The following C16orf74 variants were observed in gnomAD, a reference collection of about 807,000 sequenced individuals.
C16orf74 encodes calcimembrin.
In C16orf74, 10 loss-of-function variants were observed where a neutral mutation model predicts 6.5. That is an observed-to-expected ratio of 1.54 (90% CI 0.95 to 2.61). The LOEUF (loss-of-function observed/expected upper bound fraction) is 2.61, where lower values mean the gene tolerates loss of function less well. C16orf74 is among the 30% of genes most tolerant of loss of function. The probability of loss-of-function intolerance (pLI) is 0.00; values close to 1 mark genes in which losing one functional copy is unlikely to be tolerated. For synonymous variants in C16orf74, 60 were observed against 42.5 expected (o/e 1.41, Z -1.60); for missense variants, 141 against 105.9 (o/e 1.33, Z -1.45).
At chr16:85,715,482 C>T (rs1427472097) in intron 2 of C16orf74, among the ~76,000 whole-genome samples, 1 of 152,170 alleles carries the variant, frequency 6.6e-6, no homozygotes, top group South Asian at 2.1e-4. Flanking sequence ...CTGGCTGACC[C>T]CAAGAGCCGG....
At chr16:85,714,625 G>T (rs2054004452) in intron 2 of C16orf74, among the ~76,000 whole-genome samples, 1 of 151,014 alleles carries the variant, frequency 6.6e-6, no homozygotes, top group South Asian at 2.1e-4. Context: ...TCACCATATT[G>T]GCCAGGCTGG....
At chr16:85,745,369 T>A (rs1252924085) in intron 1 of C16orf74, among the ~76,000 whole-genome samples, 1 of 152,182 alleles carries the variant, frequency 6.6e-6, no homozygotes, top group Non-Finnish European at 1.5e-5. Flanking sequence ...CCATGTTGGC[T>A]GTGTTTGTTT....
At chr16:85,726,227 T>C (rs2054131715) in intron 2 of C16orf74, among the ~76,000 whole-genome samples, 1 of 152,302 alleles carries the variant, frequency 6.6e-6, no homozygotes, top group South Asian at 2.1e-4. Flanking sequence ...ACACACACCA[T>C]TCCACATTTC....
chr16:85,726,966 C>A (rs1417858631), intron 2 of C16orf74, among the ~76,000 whole-genome samples: 4 of 152,184 alleles, frequency 2.6e-5, no homozygotes, highest in Admixed American at 2.0e-4. Flanking sequence ...CTGGGTGATG[C>A]CACCCCTAGC....
At chr16:85,731,431 A>G (rs2054186294) in intron 2 of C16orf74, among the ~76,000 whole-genome samples, 1 of 152,184 alleles carries the variant, frequency 6.6e-6, no homozygotes, top group African/African-American at 2.4e-5. Flanking sequence ...AGCTGGGGGC[A>G]TGGTACAGGA....
intron 3 of C16orf74, among the ~76,000 whole-genome samples, chr16:85,708,586 T>A (rs1227386281): frequency 6.6e-6 from 1 of 152,198 alleles, no homozygotes; most frequent in Non-Finnish European, 1.5e-5. Context: ...TTTCCCCATT[T>A]CTAAACTAGA....
intron 1 of C16orf74, among the ~76,000 whole-genome samples, chr16:85,740,787 GTGCCAC>G (rs1478569956): frequency 8.2e-6 from 1 of 122,236 alleles, no homozygotes; most frequent in East Asian, 2.5e-4. Flanking sequence ...AGCTGAGATT[GTGCCAC>G]TACACTCCAG....
chr16:85,733,220 G>C (rs374123239), intron 2 of C16orf74, among the ~76,000 whole-genome samples: 1 of 152,234 alleles, frequency 6.6e-6, no homozygotes, highest in Non-Finnish European at 1.5e-5. Flanking sequence ...TTATTCAGCC[G>C]TGAAAAGGAA....
At chr16:85,727,164 C>G (rs17804860) in intron 2 of C16orf74, among the ~76,000 whole-genome samples, 30,528 of 152,266 alleles carry the variant, frequency 0.2, 3,568 homozygotes, top group Middle Eastern at 0.29. Context: ...CAATCTCTCA[C>G]GCAATTCTGG....
chr16:85,744,853 C>G, intron 1 of C16orf74, among the ~76,000 whole-genome samples: 1 of 127,596 alleles, frequency 7.8e-6, no homozygotes, highest in South Asian at 2.7e-4. Context: ...AAAAAAAACT[C>G]TCCGTCAGCC....
chr16:85,720,598 C>A (rs1246544318), intron 2 of C16orf74, among the ~76,000 whole-genome samples: 12 of 151,982 alleles, frequency 7.9e-5, no homozygotes, highest in Admixed American at 7.9e-4. Flanking sequence ...CATAGCAAGA[C>A]CCCATCTCTA....
At chr16:85,732,373 G>T (rs1018025709) in intron 2 of C16orf74, among the ~76,000 whole-genome samples, 2 of 152,148 alleles carry the variant, frequency 1.3e-5, no homozygotes, top group Non-Finnish European at 2.9e-5. Flanking sequence ...GAGTTAAAAT[G>T]ATTCTCTCTG....
At chr16:85,738,138 A>C (rs541835854) in intron 1 of C16orf74, among the ~76,000 whole-genome samples, 3 of 151,672 alleles carry the variant, frequency 2.0e-5, no homozygotes, top group Non-Finnish European at 4.4e-5. Context: ...CCAGCTACTC[A>C]GGAGGCTGAG....
rs981420368 is a variant in C16orf74, at chr16:85,714,800, C to T, written c.29-4493G>A. 5.9e-5 allele frequency among the ~76,000 whole-genome samples: 9 copies of T among 152,016 alleles called. No individual in the cohort carries two copies. In the East Asian group the frequency reaches 7.8e-4, roughly 13 times the overall value. On this transcript the variant is annotated intron_variant, in intron 2 of 3. Coordinates refer to ENST00000284245, the MANE Select transcript of C16orf74 (RefSeq NM_206967.3). ...CCCAACAGAACTCCGAGCCCCTCAG[C>T]GGCACCCACACAGTCCCATCGAAGC...
chr16:85,740,008 G>A (rs1426040203), intron 1 of C16orf74, among the ~76,000 whole-genome samples: 4 of 150,284 alleles, frequency 2.7e-5, no homozygotes, highest in Non-Finnish European at 5.9e-5. Flanking sequence ...TCAGGAGTTC[G>A]AGACCAGCCT....
At chr16:85,748,772 C>T (rs944981679) in intron 1 of C16orf74, among the ~76,000 whole-genome samples, 1 of 152,036 alleles carries the variant, frequency 6.6e-6, no homozygotes, top group Non-Finnish European at 1.5e-5. Context: ...GATGTTAATG[C>T]TGGTCTGCGG....
intron 2 of C16orf74, among the ~76,000 whole-genome samples, chr16:85,723,627 T>C (rs1201518322): frequency 6.6e-6 from 1 of 152,128 alleles, no homozygotes; most frequent in Non-Finnish European, 1.5e-5. Flanking sequence ...CCTCCAACCA[T>C]CTAGAATGTT....
At chr16:85,735,150 C>T (rs1319402655) in intron 2 of C16orf74, 40 bp downstream of exon 2, 1 of 1,585,444 alleles carries the variant, frequency 6.3e-7, no homozygotes, top group Non-Finnish European at 8.6e-7. Flanking sequence ...AGCACCCCCT[C>T]TGCCATGAGA....
At chr16:85,738,680 A>G (rs1336234513) in intron 1 of C16orf74, among the ~76,000 whole-genome samples, 1 of 151,320 alleles carries the variant, frequency 6.6e-6, no homozygotes, top group African/African-American at 2.4e-5. Flanking sequence ...CATGCAGGAG[A>G]GAGAATCCTT....
Sources: gnomAD v4.1 joint callset for allele counts (sites outside exome capture counted in the v4.1 genomes callset) on GRCh38, gnomAD v4.1.1 for gene constraint, MANE v1.5 for transcripts, NCBI Gene and HGNC (gene_info 2026-07-23, HGNC 2026-07-21) for gene names.